The following RBFOX1 variants were observed in gnomAD, a reference collection of about 807,000 sequenced individuals.
The protein encoded by RBFOX1 is RNA binding protein fox-1 homolog 1.
Under a neutral mutation model 57.7 loss-of-function variants are expected in RBFOX1, and 8 were observed. The ratio of observed to expected loss-of-function variants is 0.14; its 90% CI spans 0.08 to 0.25. The LOEUF is 0.25. Ranked by LOEUF, RBFOX1 falls within the 10% of genes least tolerant of loss-of-function variation. The pLI, the probability that RBFOX1 is intolerant of heterozygous loss-of-function variation, is 1.00. For synonymous variants in RBFOX1, 326 were observed against 222.4 expected (o/e 1.47, Z -4.15); for missense variants, 611 against 548.5 (o/e 1.11, Z -1.14).
At chr16:7,247,881 C>T (rs1038845663) in intron 4 of RBFOX1, among the ~76,000 whole-genome samples, 2 of 151,922 alleles carry the variant, frequency 1.3e-5, no homozygotes, top group Admixed American at 1.3e-4. Context: ...CACACTGGGG[C>T]CTATCAGAGG....
chr16:5,935,647 A>T (rs2059153420), intron 4 of RBFOX1, among the ~76,000 whole-genome samples: 1 of 152,204 alleles, frequency 6.6e-6, no homozygotes, highest in South Asian at 2.1e-4. Context: ...TCTAGGAATT[A>T]GCTGACCCTA....
At chr16:7,459,301 T>G (rs1217835640) in intron 4 of RBFOX1, among the ~76,000 whole-genome samples, 1 of 152,228 alleles carries the variant, frequency 6.6e-6, no homozygotes, top group Admixed American at 6.5e-5. Context: ...ACACACTTTC[T>G]GGAGAAAGTC....
At chr16:7,443,261 T>C (rs892904903) in intron 4 of RBFOX1, among the ~76,000 whole-genome samples, 2 of 152,158 alleles carry the variant, frequency 1.3e-5, no homozygotes, top group Non-Finnish European at 2.9e-5. Context: ...TTGATTCATA[T>C]ACCAAAAGGC....
At chr16:6,731,929 G>C (rs917289714) in intron 3 of RBFOX1, among the ~76,000 whole-genome samples, 1 of 152,126 alleles carries the variant, frequency 6.6e-6, no homozygotes, top group East Asian at 1.9e-4. Flanking sequence ...GTTAAAATCT[G>C]ACATCTAGGA....
rs141720170 is a variant in RBFOX1, at chr16:7,385,872, G to C, written c.28-132275G>C. On this transcript the variant is annotated intron_variant, in intron 4 of 15. Transcript: ENST00000550418. The stretch of plus-strand genomic sequence containing the variant: ...GGGTTCAAGCAGTTTTTCTGCTTCA[G>C]CCTCTGAGTAGGTGGGATTACAGGC... Among the ~76,000 whole-genome samples, 361 of 152,162 alleles carry C rather than the reference G, an allele frequency of 2.4e-3. 2 individuals are homozygous for C. The highest frequency in any genetic ancestry group is 4.0e-3 in the Non-Finnish European group (271 of 68,010).
At chr16:7,378,867 AT>A (rs1203149411) in intron 4 of RBFOX1, among the ~76,000 whole-genome samples, 1 of 152,166 alleles carries the variant, frequency 6.6e-6, no homozygotes, top group Admixed American at 6.5e-5. Context: ...GGGGTAGTGT[AT>A]TATTAAGTGG....
chr16:7,512,358 C>G (rs1300214742), intron 4 of RBFOX1, among the ~76,000 whole-genome samples: 2 of 152,200 alleles, frequency 1.3e-5, no homozygotes, highest in Admixed American at 6.5e-5. Flanking sequence ...AGGAATGTCA[C>G]TAGGGAGGAA....
At chr16:7,218,629 T>TCTGTGTGTGTGTGTGTGTGTGTGC (rs59243053) in intron 4 of RBFOX1, among the ~76,000 whole-genome samples, 12 of 9,394 alleles carry the variant, frequency 1.3e-3, no homozygotes, top group African/African-American at 3.1e-3. Flanking sequence ...GGGGGTTTGC[T>TCTGTGTGTGTGTGTGTGTGTGTGC]GTGTGTGTGT....
Position 7,518,233 on chromosome 16 carries a change from C to T in RBFOX1, c.114C>T (p.Pro38=), listed in dbSNP as rs376877653. 7 of 1,614,132 alleles carry T rather than the reference C, an allele frequency of 4.3e-6. No individual in the cohort carries two copies. The highest frequency in any genetic ancestry group is 1.3e-5 in the African/African-American group (1 of 75,038). The change falls in exon 5 of 16, where the codon CCC becomes CCT. Residue 38 remains proline (P), a synonymous_variant. Transcript: ENST00000550418. The part of the protein sequence containing the change: ...AQFAPPQNGI[P]AEYTAPHPHP... The stretch of plus-strand genomic sequence containing the variant: ...TTGCTCCCCCGCAGAACGGTATCCC[C>T]GCGGAATACACGGCCCCTCATCCCC...
intron 4 of RBFOX1, among the ~76,000 whole-genome samples, chr16:7,175,460 A>G (rs1030061117): frequency 6.6e-6 from 1 of 152,112 alleles, no homozygotes; most frequent in Non-Finnish European, 1.5e-5. Context: ...TTTAACGTGG[A>G]TTCAGAAATG....
chr16:5,620,927 G>T (rs1047127868), intron 3 of RBFOX1, among the ~76,000 whole-genome samples: 3 of 150,720 alleles, frequency 2.0e-5, no homozygotes, highest in African/African-American at 7.3e-5. Flanking sequence ...TGCAAGTTCC[G>T]CCTCCCGGGT....
At chr16:5,653,444 G>A (rs12932311) in intron 3 of RBFOX1, among the ~76,000 whole-genome samples, 1 of 149,012 alleles carries the variant, frequency 6.7e-6, no homozygotes, top group African/African-American at 2.5e-5. Context: ...GTGTGGAGCC[G>A]TGTGCTCCAC....
chr16:5,657,642 T>TTCTC (rs2151380598), intron 3 of RBFOX1, among the ~76,000 whole-genome samples: 5 of 142,518 alleles, frequency 3.5e-5, no homozygotes, highest in African/African-American at 1.1e-4. Context: ...CTTTCTTTCT[T>TTCTC]TCTTTCTTTC....
chr16:6,613,005 GTGT>G (rs1567883070), intron 2 of RBFOX1, among the ~76,000 whole-genome samples: 1 of 1,364 alleles, frequency 7.3e-4, no homozygotes, highest in African/African-American at 1.1e-3. Context: ...GTCCCAGCAT[GTGT>G]GTGTGTGTGT....
chr16:7,315,463 C>A (rs545441032), intron 4 of RBFOX1, among the ~76,000 whole-genome samples: 27 of 151,792 alleles, frequency 1.8e-4, no homozygotes, highest in African/African-American at 6.0e-4. Flanking sequence ...CCTACCCCCC[C>A]CCCCATACTG....
intron 1 of RBFOX1, among the ~76,000 whole-genome samples, chr16:6,286,191 A>G (rs113144259): frequency 0.019 from 2,965 of 152,270 alleles, 106 homozygotes; most frequent in African/African-American, 0.067. Flanking sequence ...CATGAAAGTC[A>G]TGGCGTCCAT....
intron 3 of RBFOX1, among the ~76,000 whole-genome samples, chr16:6,819,084 A>G (rs984966847): frequency 1.3e-5 from 2 of 152,198 alleles, no homozygotes; most frequent in Non-Finnish European, 2.9e-5. Flanking sequence ...CTGAATCCAA[A>G]CACCACAGAC....
At chr16:5,640,791 TAC>T (rs1481672855) in intron 3 of RBFOX1, among the ~76,000 whole-genome samples, 2 of 145,770 alleles carry the variant, frequency 1.4e-5, no homozygotes, top group South Asian at 2.2e-4. Flanking sequence ...ACACCATGCA[TAC>T]ACACACATAT....
chr16:5,832,144 G>T (rs2056296320), intron 3 of RBFOX1, among the ~76,000 whole-genome samples: 1 of 152,202 alleles, frequency 6.6e-6, no homozygotes, highest in Admixed American at 6.5e-5. Context: ...AACTGGCTAA[G>T]TAGGAAGCCA....
Sources: gnomAD v4.1 joint callset for allele counts (sites outside exome capture counted in the v4.1 genomes callset) on GRCh38, gnomAD v4.1.1 for gene constraint, MANE v1.5 for transcripts, NCBI Gene and HGNC (gene_info 2026-07-23, HGNC 2026-07-21) for gene names.